FIGN: variants seen among roughly 807,000 people sequenced by gnomAD.
FIGN encodes the protein fidgetin, microtubule severing factor, also known as fidgetin.
A neutral mutation model predicts 51.3 loss-of-function variants in FIGN; 11 were observed. The ratio of observed to expected loss-of-function variants is 0.21; its 90% confidence interval spans 0.13 to 0.35. The LOEUF (loss-of-function observed/expected upper bound fraction) is 0.35, where lower values mean the gene tolerates loss of function less well. Among genes scored for constraint, FIGN ranks in the 10% least tolerant of loss-of-function variants. FIGN has a pLI of 1.00. For missense variants in FIGN, 857 were observed against 943.6 expected, an observed-to-expected ratio of 0.91 and a Z score of 1.20; for synonymous variants, 407 against 363.2, an observed-to-expected ratio of 1.12 and a Z score of -1.37.
At chr2:163,715,870 G>A (rs958506077) in intron 2 of FIGN, among the ~76,000 whole-genome samples, 2 of 152,112 alleles carry the variant, frequency 1.3e-5, no homozygotes, top group African/African-American at 2.4e-5. Flanking sequence ...ATACACATAC[G>A]CCCATATATG....
chr2:163,636,155 G>A (rs1683221715), intron 2 of FIGN, among the ~76,000 whole-genome samples: 1 of 152,120 alleles, frequency 6.6e-6, no homozygotes, highest in South Asian at 2.1e-4. Flanking sequence ...AATACAGCTT[G>A]CCGTTTTACA....
At chr2:163,654,922 T>C (rs1269663718) in intron 2 of FIGN, among the ~76,000 whole-genome samples, 1 of 152,140 alleles carries the variant, frequency 6.6e-6, no homozygotes. Flanking sequence ...AGGAGGAGCG[T>C]ACCAGTAGGA....
At chr2:163,699,670 A>G (rs1313932030) in intron 2 of FIGN, among the ~76,000 whole-genome samples, 1 of 152,170 alleles carries the variant, frequency 6.6e-6, no homozygotes, top group African/African-American at 2.4e-5. Flanking sequence ...TCAGGGAGAA[A>G]CTTAAGGTTC....
chr2:163,735,935 T>G lies in FIGN; in HGVS notation c.-243A>C, dbSNP rs1685008682. ...TAGGGTTAAGTGAAGGTGCCTATGA[T>G]TTGAAATCATTCCAAGTTTTTGAAG... On this transcript the variant is annotated 5_prime_UTR_variant, in exon 1 of 3. Transcript: ENST00000333129. 6.6e-6 allele frequency: 1 copy of G among 152,666 alleles called. No homozygotes were observed. 9.5% of individuals were successfully genotyped at this position (152,666 alleles called of 1,614,324 possible).
chr2:163,629,021 T>G (rs1308920923), intron 2 of FIGN, among the ~76,000 whole-genome samples: 2 of 152,128 alleles, frequency 1.3e-5, no homozygotes, highest in African/African-American at 4.8e-5. Context: ...GGTTGGCTGC[T>G]GGAAAGATGA....
At chr2:163,697,470 G>A (rs1684340666) in intron 2 of FIGN, among the ~76,000 whole-genome samples, 1 of 152,112 alleles carries the variant, frequency 6.6e-6, no homozygotes, top group African/African-American at 2.4e-5. Flanking sequence ...CCTCTCAGAG[G>A]CAAGTCAGGA....
At chr2:163,643,459 T>C (rs756045805) in intron 2 of FIGN, among the ~76,000 whole-genome samples, 4 of 152,082 alleles carry the variant, frequency 2.6e-5, no homozygotes, top group African/African-American at 4.8e-5. Context: ...GAGACTAGCC[T>C]GGCCAACATG....
intron 2 of FIGN, among the ~76,000 whole-genome samples, chr2:163,653,217 A>G (rs1683506024): frequency 6.6e-6 from 1 of 152,104 alleles, no homozygotes; most frequent in African/African-American, 2.4e-5. Context: ...TAGGGACTCA[A>G]TAAATATCAC....
At chr2:163,636,206 G>A (rs1264221172) in intron 2 of FIGN, among the ~76,000 whole-genome samples, 2 of 152,176 alleles carry the variant, frequency 1.3e-5, no homozygotes, top group Non-Finnish European at 2.9e-5. Flanking sequence ...TGTGTAAGGT[G>A]CTTAGTTAGA....
At position 163,647,852 on chromosome 2, in the gene FIGN, A is replaced by G. The variant is rs144846074; in HGVS notation, c.26-36046T>C. Among the ~76,000 whole-genome samples, 32 of 152,318 alleles carry G rather than the reference A, an allele frequency of 2.1e-4. No individual in the cohort carries two copies. The East Asian group carries it at 5.2e-3, about 25-fold the overall frequency. ...TATATATGTAGATATGTAAAGAGAGACAAAGTGAGAAGCAAAGCGAAAGAG... is the reference window on the plus strand; with the variant it reads ...TATATATGTAGATATGTAAAGAGAGGCAAAGTGAGAAGCAAAGCGAAAGAG... On this transcript the variant is annotated intron_variant, in intron 2 of 2. Transcript: ENST00000333129.
chr2:163,620,341 C>T (rs1682946889), intron 2 of FIGN, among the ~76,000 whole-genome samples: 1 of 152,134 alleles, frequency 6.6e-6, no homozygotes. Flanking sequence ...TACCCTTCCC[C>T]CCAGATCATC....
chr2:163,646,784 T>C (rs1455194724), intron 2 of FIGN, among the ~76,000 whole-genome samples: 1 of 152,230 alleles, frequency 6.6e-6, no homozygotes, highest in Non-Finnish European at 1.5e-5. Flanking sequence ...TGAAGGTGGC[T>C]TGCCAACACA....
At chr2:163,717,307 G>C (rs190591784) in intron 2 of FIGN, among the ~76,000 whole-genome samples, 7 of 152,234 alleles carry the variant, frequency 4.6e-5, no homozygotes, top group African/African-American at 1.7e-4. Context: ...CAGAGAAAGA[G>C]AGCAATTTTT....
At chr2:163,624,891 A>G (rs1683031680) in intron 2 of FIGN, among the ~76,000 whole-genome samples, 1 of 151,916 alleles carries the variant, frequency 6.6e-6, no homozygotes, top group South Asian at 2.1e-4. Context: ...GTAATGTGAA[A>G]AGTGTTCCTA....
chr2:163,690,351 C>T (rs1227212854), intron 2 of FIGN, among the ~76,000 whole-genome samples: 2 of 152,020 alleles, frequency 1.3e-5, no homozygotes, highest in African/African-American at 2.4e-5. Context: ...AATAAAGTAT[C>T]GGTATACATT....
chr2:163,735,538 A>C (rs1005010866), intron 1 of FIGN, among the ~76,000 whole-genome samples: 1 of 152,236 alleles, frequency 6.6e-6, no homozygotes, highest in Non-Finnish European at 1.5e-5. Flanking sequence ...AAAGATAGTA[A>C]TAAGTAAGCC....
At chr2:163,730,886 A>G (rs1242058121) in intron 2 of FIGN, among the ~76,000 whole-genome samples, 1 of 152,184 alleles carries the variant, frequency 6.6e-6, no homozygotes, top group Non-Finnish European at 1.5e-5. Context: ...CTCTTCAACA[A>G]TGAACACAGT....
intron 2 of FIGN, among the ~76,000 whole-genome samples, chr2:163,697,586 C>T (rs76786445): frequency 8.1e-4 from 123 of 152,280 alleles, no homozygotes; most frequent in Non-Finnish European, 1.3e-3. Flanking sequence ...CTGCTTTCTG[C>T]AGCCCAACTT....
At chr2:163,699,643 G>A (rs1291917477) in intron 2 of FIGN, among the ~76,000 whole-genome samples, 1 of 152,028 alleles carries the variant, frequency 6.6e-6, no homozygotes, top group Non-Finnish European at 1.5e-5. Context: ...GAGAACAAAG[G>A]TTTAAAAAAT....
Sources: gnomAD v4.1 joint callset for allele counts (sites outside exome capture counted in the v4.1 genomes callset) on GRCh38, gnomAD v4.1.1 for gene constraint, MANE v1.5 for transcripts, NCBI Gene and HGNC (gene_info 2026-07-23, HGNC 2026-07-21) for gene names.